The following NEK11 variants were observed in gnomAD, a reference collection of about 807,000 sequenced individuals.
NEK11 encodes the protein serine/threonine-protein kinase Nek11.
NEK11 carries 72 observed loss-of-function variants against 80.7 expected under a neutral mutation model. That is an observed-to-expected ratio of 0.89 (90% CI 0.74 to 1.08). The LOEUF (loss-of-function observed/expected upper bound fraction) is 1.08, where lower values mean the gene tolerates loss of function less well. Among genes scored for constraint, NEK11 ranks in the 50% least tolerant of loss-of-function variants. The probability of loss-of-function intolerance (pLI) is 0.00; values close to 1 mark genes in which losing one functional copy is unlikely to be tolerated. For missense variants in NEK11, 764 were observed against 763.6 expected (o/e 1.00, Z -0.01); for synonymous variants, 251 against 260.7 (o/e 0.96, Z 0.36).
At chr3:131,223,729 G>A (rs1486425184) in intron 14 of NEK11, among the ~76,000 whole-genome samples, 1 of 152,054 alleles carries the variant, frequency 6.6e-6, no homozygotes, top group Non-Finnish European at 1.5e-5. Context: ...CCCTTGCAGA[G>A]GTTTCTTCTG....
chr3:131,341,810 G>C (rs2097291886), intron 17 of NEK11, among the ~76,000 whole-genome samples: 1 of 151,854 alleles, frequency 6.6e-6, no homozygotes, highest in African/African-American at 2.4e-5. Flanking sequence ...GGCTACCCTA[G>C]ATTTCTTTTG....
chr3:131,174,484 T>C (rs538986141), intron 14 of NEK11, among the ~76,000 whole-genome samples: 1 of 152,352 alleles, frequency 6.6e-6, no homozygotes, highest in South Asian at 2.1e-4. Flanking sequence ...GTCTTTGAGG[T>C]TGAATTGGAC....
At chr3:131,235,224 G>A (rs1185088052) in intron 15 of NEK11, among the ~76,000 whole-genome samples, 1 of 152,124 alleles carries the variant, frequency 6.6e-6, no homozygotes, top group Non-Finnish European at 1.5e-5. Context: ...AGAGTGGTGA[G>A]ACACAGCTGA....
At chr3:131,339,862 C>G (rs567131784) in intron 17 of NEK11, among the ~76,000 whole-genome samples, 1 of 152,090 alleles carries the variant, frequency 6.6e-6, no homozygotes, top group South Asian at 2.1e-4. Flanking sequence ...CTAATAATAC[C>G]CCAAGATAAT....
intron 16 of NEK11, among the ~76,000 whole-genome samples, chr3:131,269,746 C>T (rs1418284752): frequency 6.6e-6 from 1 of 152,158 alleles, no homozygotes; most frequent in Non-Finnish European, 1.5e-5. Flanking sequence ...AGCTATTTTT[C>T]AGAAAGCAGA....
At chr3:131,036,874 T>C (rs2065730430) in intron 3 of NEK11, among the ~76,000 whole-genome samples, 4 of 152,216 alleles carry the variant, frequency 2.6e-5, no homozygotes, top group Admixed American at 6.5e-5. Context: ...TTGCATTCAG[T>C]GTGAATGGCA....
intron 16 of NEK11, among the ~76,000 whole-genome samples, chr3:131,253,962 T>C (rs1479531762): frequency 6.6e-6 from 1 of 152,174 alleles, no homozygotes; most frequent in Admixed American, 6.6e-5. Flanking sequence ...TTTATTTATA[T>C]TACAAAGTCT....
At chr3:131,108,496 C>CT (rs771865040) in intron 4 of NEK11, among the ~76,000 whole-genome samples, 72 of 152,076 alleles carry the variant, frequency 4.7e-4, no homozygotes, top group Admixed American at 8.5e-4. Context: ...CAAATTATCT[C>CT]TAAGTTTTCG....
intron 17 of NEK11, among the ~76,000 whole-genome samples, chr3:131,298,101 G>T (rs2096618882): frequency 6.6e-6 from 1 of 152,274 alleles, no homozygotes. Flanking sequence ...GTAGCCTGAT[G>T]CCTCCAGCTT....
At chr3:131,177,384 T>G (rs1325511951) in intron 14 of NEK11, among the ~76,000 whole-genome samples, 1 of 152,204 alleles carries the variant, frequency 6.6e-6, no homozygotes, top group African/African-American at 2.4e-5. Flanking sequence ...CAACATGTAT[T>G]TGATATAACA....
intron 14 of NEK11, among the ~76,000 whole-genome samples, chr3:131,207,945 G>T (rs1307544039): frequency 2.0e-5 from 3 of 152,170 alleles, no homozygotes; most frequent in African/African-American, 7.2e-5. Flanking sequence ...GGTTTCTTTT[G>T]CTGTGCAGAA....
At chr3:131,170,747 A>T (rs1465191939) in intron 13 of NEK11, 26 bp from the exon 14 acceptor site, 1 of 1,405,288 alleles carries the variant, frequency 7.1e-7, no homozygotes, top group African/African-American at 1.4e-5. Context: ...TCAGCATCTC[A>T]TGAATTGTTA....
chr3:131,254,452 CT>C (rs2095766622), intron 16 of NEK11, among the ~76,000 whole-genome samples: 1 of 152,134 alleles, frequency 6.6e-6, no homozygotes, highest in Non-Finnish European at 1.5e-5. Flanking sequence ...CTGATGATTT[CT>C]CTGGTCTATA....
chr3:131,110,145 C>A (rs959034181), intron 5 of NEK11, among the ~76,000 whole-genome samples: 4 of 152,060 alleles, frequency 2.6e-5, no homozygotes, highest in Admixed American at 2.6e-4. Flanking sequence ...TCAAGTTGGC[C>A]TTGAATATAA....
intron 17 of NEK11, among the ~76,000 whole-genome samples, chr3:131,289,612 T>C (rs961295976): frequency 2.0e-5 from 3 of 152,202 alleles, no homozygotes; most frequent in Non-Finnish European, 4.4e-5. Flanking sequence ...TTTTGCTTAG[T>C]GTCACCTGTG....
intron 3 of NEK11, among the ~76,000 whole-genome samples, chr3:131,054,799 AATGT>A (rs2069127736): frequency 9.2e-6 from 1 of 108,264 alleles, no homozygotes; most frequent in Admixed American, 8.9e-5. Flanking sequence ...TAAATGAATG[AATGT>A]ACCCGGTAGA....
chr3:131,057,158 A>G (rs1489837549), intron 3 of NEK11, among the ~76,000 whole-genome samples: 1 of 150,326 alleles, frequency 6.7e-6, no homozygotes, highest in Non-Finnish European at 1.5e-5. Context: ...TGTCCTTGAG[A>G]TAGTTTGCTG....
chr3:131,220,434 G>A (rs1265433026), intron 14 of NEK11, among the ~76,000 whole-genome samples: 1 of 152,130 alleles, frequency 6.6e-6, no homozygotes, highest in Non-Finnish European at 1.5e-5. Flanking sequence ...TGGCTGTCAT[G>A]TTAATACAAA....
At chr3:131,305,127 C>T (rs763746909) in intron 17 of NEK11, among the ~76,000 whole-genome samples, 17 of 151,374 alleles carry the variant, frequency 1.1e-4, no homozygotes, top group Non-Finnish European at 2.2e-4. Context: ...GGTACGCTCA[C>T]ACCAGCAGAA....
Sources: allele counts gnomAD v4.1 joint callset (sites outside exome capture counted in the v4.1 genomes callset), GRCh38; gene constraint gnomAD v4.1.1; transcripts MANE v1.5; gene names NCBI Gene and HGNC (gene_info 2026-07-23, HGNC 2026-07-21).